CTNNA3: variants seen among roughly 807,000 people sequenced by gnomAD.
CTNNA3 encodes catenin alpha 3, also known as catenin alpha-3.
In CTNNA3, 76 loss-of-function variants were observed where a neutral mutation model predicts 95.7. The ratio of observed to expected loss-of-function variants is 0.79; its 90% confidence interval spans 0.66 to 0.96. CTNNA3 has a LOEUF of 0.96. Among genes scored for constraint, CTNNA3 ranks in the 40% least tolerant of loss-of-function variants. The pLI is 0.00. For missense variants in CTNNA3, 1,191 were observed against 1,089.8 expected (o/e 1.09, Z -1.31); for synonymous variants, 431 against 374.4 (o/e 1.15, Z -1.74).
intron 12 of CTNNA3, among the ~76,000 whole-genome samples, chr10:66,296,420 CCTCTT>C (rs1241043925): frequency 1.3e-5 from 2 of 152,036 alleles, no homozygotes; most frequent in Non-Finnish European, 2.9e-5. Context: ...AATTCTGTCT[CCTCTT>C]CTAGTATTCA....
At chr10:67,292,133 G>C (rs1839862571) in intron 5 of CTNNA3, among the ~76,000 whole-genome samples, 1 of 152,106 alleles carries the variant, frequency 6.6e-6, no homozygotes, top group Non-Finnish European at 1.5e-5. Context: ...ATGGCGGGTG[G>C]GGGTCTTAAG....
chr10:66,071,806 T>C (rs924033824), intron 14 of CTNNA3, among the ~76,000 whole-genome samples: 2 of 152,162 alleles, frequency 1.3e-5, no homozygotes, highest in Non-Finnish European at 2.9e-5. Context: ...CTGTCAACCA[T>C]TACTTACACA....
In CTNNA3 at chr10:67,337,275, A is replaced by G. The variant is rs569098659; in HGVS notation, c.580-117405T>C. Among the ~76,000 whole-genome samples the G allele has an allele frequency of 3.7e-4, 56 of 152,286 alleles. No homozygotes were observed. The South Asian group carries it at 4.8e-3, about 13-fold the overall frequency. On this transcript the variant is annotated intron_variant, in intron 5 of 17. Coordinates refer to ENST00000433211, the MANE Select transcript of CTNNA3 (RefSeq NM_013266.4). ...TGCTTGAAAAACTGTGAGGGCTTCAAGACTTCAATGGCAGAAGTAACAGTA... is the reference window on the plus strand; with the variant it reads ...TGCTTGAAAAACTGTGAGGGCTTCAGGACTTCAATGGCAGAAGTAACAGTA...
intron 11 of CTNNA3, among the ~76,000 whole-genome samples, chr10:66,458,217 T>C (rs1169218054): frequency 2.0e-5 from 3 of 152,274 alleles, no homozygotes; most frequent in Non-Finnish European, 2.9e-5. Context: ...ACAATCCAAA[T>C]GTCTTTCAAC....
chr10:66,856,117 A>G (rs1432771637), intron 7 of CTNNA3, among the ~76,000 whole-genome samples: 1 of 151,758 alleles, frequency 6.6e-6, no homozygotes, highest in Non-Finnish European at 1.5e-5. Flanking sequence ...TGTCTCCTTC[A>G]TTCTGTCCGT....
At chr10:67,020,008 C>A (rs1852899758) in intron 7 of CTNNA3, among the ~76,000 whole-genome samples, 1 of 26,984 alleles carries the variant, frequency 3.7e-5, no homozygotes, top group Non-Finnish European at 1.5e-4. Context: ...TGTGTTAATA[C>A]CAATATCAAC....
At chr10:67,416,623 A>C (rs562543209) in intron 5 of CTNNA3, among the ~76,000 whole-genome samples, 2,098 of 150,462 alleles carry the variant, frequency 0.014, 57 homozygotes, top group African/African-American at 0.048. Context: ...AAAAAAAAAA[A>C]AAAAAAAACA....
chr10:67,666,123 G>C (rs538075747), intron 1 of CTNNA3, among the ~76,000 whole-genome samples: 1 of 152,244 alleles, frequency 6.6e-6, no homozygotes, highest in Admixed American at 6.5e-5. Flanking sequence ...GTACAGGTTT[G>C]TTATATGGGT....
chr10:66,133,669 C>A (rs913362362), intron 13 of CTNNA3, among the ~76,000 whole-genome samples: 2 of 151,192 alleles, frequency 1.3e-5, no homozygotes, highest in Admixed American at 6.6e-5. Context: ...TGAAATCAGT[C>A]TATACTGGTT....
intron 1 of CTNNA3, among the ~76,000 whole-genome samples, chr10:67,704,377 T>C (rs966021029): frequency 6.6e-6 from 1 of 152,170 alleles, no homozygotes; most frequent in African/African-American, 2.4e-5. Flanking sequence ...CTTCAAACTA[T>C]ACTACAAGGC....
rs550996733 is a variant in CTNNA3 at position 67,055,759 on chromosome 10, G to A, written c.1047+124558C>T. ...AGCTAACAGTGGGCAGAGGATGAAA[G>A]ATGTACCTCAAAGGTTCTTAAAAGC... On this transcript the variant is annotated intron_variant, in intron 7 of 17. Coordinates refer to ENST00000433211, the MANE Select transcript of CTNNA3 (RefSeq NM_013266.4). Among the ~76,000 whole-genome samples, 75 of 152,226 alleles carry A rather than the reference G, an allele frequency of 4.9e-4. 1 individual carries two copies. Among genetic ancestry groups the A allele is most frequent in the African/African-American group, 1.6e-3 (68 of 41,550 alleles).
At chr10:67,663,588 T>A (rs933300967) in intron 1 of CTNNA3, among the ~76,000 whole-genome samples, 1 of 150,426 alleles carries the variant, frequency 6.6e-6, no homozygotes, top group Non-Finnish European at 1.5e-5. Context: ...CTGCCGCAGC[T>A]GTTGACTTGG....
chr10:66,179,316 C>T (rs7914475), intron 13 of CTNNA3, among the ~76,000 whole-genome samples: 4,608 of 151,960 alleles, frequency 0.03, 246 homozygotes, highest in African/African-American at 0.11. Context: ...AGGCTATATA[C>T]TGTATGAAAA....
intron 10 of CTNNA3, among the ~76,000 whole-genome samples, chr10:66,533,520 G>A (rs1841543154): frequency 6.6e-6 from 1 of 152,048 alleles, no homozygotes; most frequent in Admixed American, 6.6e-5. Context: ...TTAACGAGAT[G>A]TTCATTAGAG....
At chr10:66,088,628 T>A (rs557602525) in intron 14 of CTNNA3, among the ~76,000 whole-genome samples, 2 of 151,982 alleles carry the variant, frequency 1.3e-5, no homozygotes, top group African/African-American at 4.8e-5. Context: ...AGGTTTTCAA[T>A]GCTTACTTCC....
intron 11 of CTNNA3, 115 bp downstream of exon 11, chr10:66,520,502 T>G: frequency 1.1e-6 from 1 of 872,760 alleles, no homozygotes; most frequent in Non-Finnish European, 1.7e-6. Flanking sequence ...TCCACCTGCC[T>G]CGGCTTCCCA....
Position 66,328,763 on chromosome 10 carries a change from C to G in CTNNA3, c.1733-48142G>C, listed in dbSNP as rs377297932. Among the ~76,000 whole-genome samples, 68 of 151,158 alleles carry G rather than the reference C, an allele frequency of 4.5e-4. 1 individual carries two copies. The South Asian group carries it at 0.014, about 31-fold the overall frequency. On this transcript the variant is annotated intron_variant, in intron 12 of 17. Transcript: ENST00000433211. The stretch of plus-strand genomic sequence containing the variant: ...ACTAAATCTGGTCGTATAATTTAAC[C>G]TGCATCTGAAGGCCTGAGAACCCAG...
intron 1 of CTNNA3, among the ~76,000 whole-genome samples, chr10:67,736,645 T>C (rs750630900): frequency 1.1e-4 from 16 of 151,848 alleles, no homozygotes; most frequent in South Asian, 6.2e-4. Context: ...TTAGTAGAGA[T>C]GGGGTTTCAC....
intron 7 of CTNNA3, among the ~76,000 whole-genome samples, chr10:66,924,110 C>A (rs927646568): frequency 3.3e-5 from 5 of 152,182 alleles, no homozygotes; most frequent in Non-Finnish European, 7.3e-5. Flanking sequence ...ACTCTTCCAT[C>A]CCCCTAGAAT....
Sources: allele counts gnomAD v4.1 joint callset (sites outside exome capture counted in the v4.1 genomes callset), GRCh38; gene constraint gnomAD v4.1.1; transcripts MANE v1.5; gene names NCBI Gene and HGNC (gene_info 2026-07-23, HGNC 2026-07-21).